The following TUFT1 variants were observed in gnomAD, a reference collection of about 807,000 sequenced individuals.
The protein encoded by TUFT1 is tuftelin 1, also known as tuftelin.
TUFT1 carries 43 observed loss-of-function variants against 57.8 expected under a neutral mutation model. The observed-to-expected ratio is 0.74, with a 90% CI of 0.58 to 0.96. The LOEUF (loss-of-function observed/expected upper bound fraction) is 0.96, where lower values mean the gene tolerates loss of function less well. Among genes scored for constraint, TUFT1 ranks in the 40% least tolerant of loss-of-function variants. The pLI is 0.00. For synonymous variants in TUFT1, 166 were observed against 176.7 expected (o/e 0.94, Z 0.48); for missense variants, 459 against 489.0 (o/e 0.94, Z 0.58).
At chr1:151,549,197 A>C (rs1342928) in intron 1 of TUFT1, among the ~76,000 whole-genome samples, 146,266 of 152,254 alleles carry the variant, frequency 0.96, 70,544 homozygotes, top group East Asian at 1. Context: ...CTTTTAGAGT[A>C]CCCAGTAGAG....
intron 1 of TUFT1, chr1:151,545,750 A>G (rs747733155): frequency 2.1e-6 from 1 of 479,580 alleles, no homozygotes; most frequent in Non-Finnish European, 4.4e-6. Context: ...ACCAGTGGAG[A>G]GTCCCAGGGG....
Position 151,581,786 on chromosome 1 carries a change from G to A in TUFT1, c.*79G>A, listed in dbSNP as rs1344262079. 4 of 1,469,028 alleles carry A rather than the reference G, an allele frequency of 2.7e-6. No individual in the cohort carries two copies. Among genetic ancestry groups the A allele is most frequent in the Non-Finnish European group, 3.8e-6 (4 of 1,050,824 alleles). The allele number at this position is 1,469,028 out of a possible 1,614,324, so 91.0% of individuals were successfully genotyped here. On this transcript the variant is annotated 3_prime_UTR_variant, in exon 13 of 13. Coordinates refer to ENST00000368849, the MANE Select transcript of TUFT1 (RefSeq NM_020127.3). Reference sequence around the variant, plus strand: ...ACTGCCCCTGTTGGCTGTTAACACTGCCTTTGACTTCCTGACTGTCCCCTG... The same window carrying A: ...ACTGCCCCTGTTGGCTGTTAACACTACCTTTGACTTCCTGACTGTCCCCTG...
intron 1 of TUFT1, among the ~76,000 whole-genome samples, chr1:151,556,908 A>AG (rs1331690772): frequency 6.6e-6 from 1 of 152,144 alleles, no homozygotes; most frequent in Non-Finnish European, 1.5e-5. Context: ...TGGGAGGCAG[A>AG]GGTTGCAGTG....
chr1:151,540,320 G>A lies in TUFT1; in HGVS notation c.-47G>A, dbSNP rs868370651. 1 of 1,613,388 alleles carries A rather than the reference G, an allele frequency of 6.2e-7. No individual in the cohort carries two copies. The highest frequency in any genetic ancestry group is 8.5e-7 in the Non-Finnish European group (1 of 1,179,560). The stretch of plus-strand genomic sequence containing the variant: ...GCGCGCGCCCGCCCAGTTGGAGCCA[G>A]ACAGCGGGGTGGACAAGTGGCGTGT... On this transcript the variant is annotated 5_prime_UTR_variant, in exon 1 of 13. Coordinates refer to ENST00000368849, the MANE Select transcript of TUFT1 (RefSeq NM_020127.3).
At chr1:151,548,134 G>A (rs1324973398) in intron 1 of TUFT1, among the ~76,000 whole-genome samples, 7 of 152,164 alleles carry the variant, frequency 4.6e-5, no homozygotes, top group Admixed American at 4.6e-4. Context: ...TGAGACTGAT[G>A]AGCTGAGTCG....
chr1:151,551,069 C>T (rs571366255), intron 1 of TUFT1, among the ~76,000 whole-genome samples: 1 of 152,258 alleles, frequency 6.6e-6, no homozygotes, highest in South Asian at 2.1e-4. Flanking sequence ...GTAATGAAAT[C>T]CCCCCAAAAT....
chr1:151,562,266 C>G (rs879684776), intron 2 of TUFT1, 101 bp downstream of exon 2: 1 of 1,058,862 alleles, frequency 9.4e-7, no homozygotes, highest in Admixed American at 1.9e-5. Flanking sequence ...TCTGGTGATG[C>G]GAGCGTGGGA....
intron 6 of TUFT1, among the ~76,000 whole-genome samples, chr1:151,567,877 T>C (rs1290437684): frequency 6.6e-6 from 1 of 152,226 alleles, no homozygotes; most frequent in Non-Finnish European, 1.5e-5. Context: ...AGTGTGTTAT[T>C]ATGTTTTTTT....
chr1:151,558,006 A>C, intron 1 of TUFT1: 2 of 456,770 alleles, frequency 4.4e-6, no homozygotes, highest in East Asian at 5.9e-5. Flanking sequence ...AAAAAAAGAA[A>C]ACCTAAGAGG....
At chr1:151,579,595 AGT>A in intron 10 of TUFT1, 52 bp from the exon 11 acceptor site, 1 of 1,586,190 alleles carries the variant, frequency 6.3e-7, no homozygotes, top group South Asian at 1.1e-5. Context: ...AAGTCTGGTG[AGT>A]GTGTAATGAG....
intron 1 of TUFT1, among the ~76,000 whole-genome samples, chr1:151,546,114 C>T (rs185345812): frequency 8.4e-4 from 124 of 147,968 alleles, no homozygotes; most frequent in African/African-American, 2.9e-3. Context: ...CATCCTCTCT[C>T]TCTTTTTCTT....
intron 6 of TUFT1, among the ~76,000 whole-genome samples, 164 bp from the exon 7 acceptor site, chr1:151,569,493 T>A (rs961623731): frequency 4.6e-5 from 7 of 152,202 alleles, no homozygotes; most frequent in Non-Finnish European, 1.0e-4. Context: ...TAACTCAGAA[T>A]TCCTGGCTGC....
chr1:151,576,244 G>T (rs940426976), intron 9 of TUFT1, among the ~76,000 whole-genome samples: 2 of 152,136 alleles, frequency 1.3e-5, no homozygotes, highest in Non-Finnish European at 2.9e-5. Flanking sequence ...ACTGGGGAGT[G>T]ATGGATTCTT....
chr1:151,566,067 CCTT>C, intron 5 of TUFT1, 93 bp from the exon 6 acceptor site: 1 of 395,290 alleles, frequency 2.5e-6, no homozygotes, highest in Non-Finnish European at 4.8e-6. Context: ...CTCTCCCTGT[CCTT>C]CTCTTTCTAA....
At chr1:151,565,921 A>G (rs113260837) in intron 5 of TUFT1, 41 of 384,436 alleles carry the variant, frequency 1.1e-4, no homozygotes, top group Middle Eastern at 8.2e-4. Flanking sequence ...TCTTGTTTCT[A>G]TTTTCTCATG....
chr1:151,545,624 G>C (rs563079660), intron 1 of TUFT1, among the ~76,000 whole-genome samples: 2 of 152,312 alleles, frequency 1.3e-5, no homozygotes, highest in African/African-American at 4.8e-5. Flanking sequence ...ACCAGCCAAG[G>C]GATGGAGGAA....
chr1:151,555,286 G>A (rs1665653670), intron 1 of TUFT1, among the ~76,000 whole-genome samples: 1 of 149,508 alleles, frequency 6.7e-6, no homozygotes, highest in African/African-American at 2.5e-5. Flanking sequence ...CCAAGATTGT[G>A]CCATTGCATT....
intron 3 of TUFT1, 75 bp from the exon 4 acceptor site, chr1:151,563,829 A>T: frequency 7.8e-7 from 1 of 1,279,320 alleles, no homozygotes; most frequent in East Asian, 2.3e-5. Flanking sequence ...TCCCACCAGC[A>T]CTATATGAAG....
At chr1:151,567,113 C>T (rs1173304861) in intron 6 of TUFT1, among the ~76,000 whole-genome samples, 1 of 152,164 alleles carries the variant, frequency 6.6e-6, no homozygotes, top group East Asian at 1.9e-4. Context: ...GTTGCCCAGG[C>T]TGCTCTTGAA....
Sources: gnomAD v4.1 joint callset for allele counts (sites outside exome capture counted in the v4.1 genomes callset) on GRCh38, gnomAD v4.1.1 for gene constraint, MANE v1.5 for transcripts, NCBI Gene and HGNC (gene_info 2026-07-23, HGNC 2026-07-21) for gene names.